Variants in PCNX4 observed in about 807,000 individuals in gnomAD.
The protein encoded by PCNX4 is pecanex-like protein 4.
In PCNX4, 103 loss-of-function variants were observed where a neutral mutation model predicts 107.2. The observed-to-expected ratio is 0.96, with a 90% CI of 0.82 to 1.13. The LOEUF is 1.13. PCNX4 is among the 50% of genes most tolerant of loss of function. The probability of loss-of-function intolerance (pLI) is 0.00; values close to 1 mark genes in which losing one functional copy is unlikely to be tolerated. For missense variants in PCNX4, 1,528 were observed against 1,379.4 expected (o/e 1.11, Z -1.71); for synonymous variants, 541 against 481.7 (o/e 1.12, Z -1.61).
Position 60,115,372 on chromosome 14 carries a change from C to T in PCNX4, c.1268C>T (p.Pro423Leu), listed in dbSNP as rs1287210895. 14 of 1,600,124 alleles carry T rather than the reference C, an allele frequency of 8.7e-6. No individual in the cohort carries two copies. Among genetic ancestry groups the T allele is most frequent in the Middle Eastern group, 1.7e-4 (1 of 6,002 alleles). ...GGAATTTTCCGAAATCCCTTTTATCCGAAGGATGTGCAAACTGTGACTGTA... is the reference window on the plus strand; with the variant it reads ...GGAATTTTCCGAAATCCCTTTTATCTGAAGGATGTGCAAACTGTGACTGTA... ...IIGIFRNPFY[P>L]KDVQTVTVFF... The change falls in exon 4 of 11, where the codon CCG becomes CTG. Residue 423 changes from proline (P) to leucine (L), a missense_variant. Transcript: ENST00000406854.
chr14:60,102,032 A>G (rs1203408468), intron 1 of PCNX4, among the ~76,000 whole-genome samples: 1 of 152,238 alleles, frequency 6.6e-6, no homozygotes, highest in East Asian at 1.9e-4. Context: ...GACTAACTCT[A>G]AATCAGTGAG....
At chr14:60,105,345 T>C (rs886545226) in intron 1 of PCNX4, among the ~76,000 whole-genome samples, 4 of 152,208 alleles carry the variant, frequency 2.6e-5, no homozygotes, top group African/African-American at 9.7e-5. Flanking sequence ...ATGAGCTCAG[T>C]GGTACCCAGC....
chr14:60,111,439 A>G (rs1895739210), intron 2 of PCNX4, among the ~76,000 whole-genome samples: 1 of 152,222 alleles, frequency 6.6e-6, no homozygotes, highest in Non-Finnish European at 1.5e-5. Context: ...ACTATAAAAT[A>G]TATTCCAGTT....
chr14:60,096,092 G>C (rs1309346804), intron 1 of PCNX4, among the ~76,000 whole-genome samples: 1 of 152,122 alleles, frequency 6.6e-6, no homozygotes, highest in Non-Finnish European at 1.5e-5. Flanking sequence ...AGTTTCCCAG[G>C]ATCCAAACCC....
At chr14:60,094,818 C>T (rs1046334594) in intron 1 of PCNX4, among the ~76,000 whole-genome samples, 3 of 138,148 alleles carry the variant, frequency 2.2e-5, no homozygotes, top group Admixed American at 8.3e-5. Flanking sequence ...AAAAACCTAA[C>T]AGCAATAGCA....
chr14:60,108,136 G>C lies in PCNX4; in HGVS notation c.498G>C (p.Leu166=). The C allele has an allele frequency of 6.2e-7, 1 of 1,612,858 alleles. No individual in the cohort carries two copies. Among genetic ancestry groups the C allele is most frequent in the Non-Finnish European group, 8.5e-7 (1 of 1,179,892 alleles). ...WYLLPNRITL[L]YGSTGGTALL... ...TGCTCCCAAATAGAATAACCTTGCT[G>C]TATGGCAGTACAGGAGGCACTGCTC... The change falls in exon 2 of 11, where the codon CTG becomes CTC. Residue 166 remains leucine (L), a synonymous_variant. Transcript: ENST00000406854.
intron 6 of PCNX4, 142 bp from the exon 7 acceptor site, chr14:60,118,187 C>CA: frequency 8.2e-7 from 1 of 1,221,642 alleles, no homozygotes; most frequent in South Asian, 2.4e-5. Context: ...AGAAAATTAA[C>CA]AAAAAAATCA....
Position 60,101,019 on chromosome 14 carries a change from G to C in PCNX4, c.-53-6567G>C, listed in dbSNP as rs987732673. Among the ~76,000 whole-genome samples the C allele has an allele frequency of 2.0e-5, 3 of 152,156 alleles. No homozygotes were observed. The East Asian group carries it at 5.8e-4, about 29-fold the overall frequency. ...ACCTGCTCTCTGAAGTCTGCTCTCT[G>C]AGAGCTTCCTCTGCACAGTGAAACT... On this transcript the variant is annotated intron_variant, in intron 1 of 10. Coordinates refer to ENST00000406854, the MANE Select transcript of PCNX4 (RefSeq NM_001330177.2).
At chr14:60,103,558 C>A (rs527244891) in intron 1 of PCNX4, among the ~76,000 whole-genome samples, 1 of 152,150 alleles carries the variant, frequency 6.6e-6, no homozygotes, top group South Asian at 2.1e-4. Context: ...GTGTTCTCTC[C>A]CATGCTTCTT....
intron 1 of PCNX4, among the ~76,000 whole-genome samples, chr14:60,098,077 G>T (rs1327062917): frequency 2.0e-5 from 3 of 152,088 alleles, no homozygotes; most frequent in Admixed American, 2.0e-4. Flanking sequence ...CAGCCTTATG[G>T]TTAAGGTCAG....
chr14:60,092,703 A>AC (rs1461021939), intron 1 of PCNX4, among the ~76,000 whole-genome samples: 1 of 152,124 alleles, frequency 6.6e-6, no homozygotes, highest in Non-Finnish European at 1.5e-5. Context: ...TGGCACACCC[A>AC]CCCGGAGCTG....
At chr14:60,116,916 CA>C (rs1163462757) in intron 6 of PCNX4, among the ~76,000 whole-genome samples, 1 of 151,142 alleles carries the variant, frequency 6.6e-6, no homozygotes, top group Non-Finnish European at 1.5e-5. Flanking sequence ...TCATTTTTGA[CA>C]AAAAAGTTTT....
chr14:60,119,643 T>C (rs1201938878), intron 7 of PCNX4, among the ~76,000 whole-genome samples: 1 of 152,212 alleles, frequency 6.6e-6, no homozygotes, highest in African/African-American at 2.4e-5. Flanking sequence ...TGTTAATTAA[T>C]TTTCATTATG....
Position 60,137,671 on chromosome 14 carries a change from T to C in PCNX4, c.*3450T>C, listed in dbSNP as rs1595183679. 6.6e-6 allele frequency: 1 copy of C among 152,318 alleles called. No individual in the cohort carries two copies. The highest frequency in any genetic ancestry group is 2.4e-5 in the African/African-American group (1 of 41,568). 9.4% of individuals were successfully genotyped at this position (152,318 alleles called of 1,614,324 possible). A position where few individuals can be genotyped will look rare whatever the true frequency, so the allele number is the denominator to read the frequency against. ...AGCTATACAACACAGGGTCTAAAAT[T>C]ACTATGTTTAGTGTGTTTAAAGATC... On this transcript the variant is annotated 3_prime_UTR_variant, in exon 11 of 11. Coordinates refer to ENST00000406854, the MANE Select transcript of PCNX4 (RefSeq NM_001330177.2).
chr14:60,105,056 C>T (rs1895604786), intron 1 of PCNX4, among the ~76,000 whole-genome samples: 1 of 152,118 alleles, frequency 6.6e-6, no homozygotes, highest in Non-Finnish European at 1.5e-5. Flanking sequence ...ACCAATTATG[C>T]ATTCGAAATC....
intron 8 of PCNX4, among the ~76,000 whole-genome samples, chr14:60,122,312 C>G (rs1432493165): frequency 1.3e-5 from 2 of 152,158 alleles, no homozygotes; most frequent in East Asian, 3.8e-4. Flanking sequence ...CAAAACCCTG[C>G]AGTGGATCTC....
rs1038801189 is a variant in PCNX4, at chr14:60,135,141, A to G, written c.*920A>G. ...GGGGGATTAATAATGAATCCACATCAGTTGAGAGATCAGTTTCCTCTAATT... is the reference window on the plus strand; with the variant it reads ...GGGGGATTAATAATGAATCCACATCGGTTGAGAGATCAGTTTCCTCTAATT... On this transcript the variant is annotated 3_prime_UTR_variant, in exon 11 of 11. Transcript: ENST00000406854. The G allele has an allele frequency of 2.0e-5, 3 of 152,226 alleles. No homozygotes were observed. The highest frequency in any genetic ancestry group is 7.2e-5 in the African/African-American group (3 of 41,468). The allele number at this position is 152,226 out of a possible 1,614,324, so 9.4% of individuals were successfully genotyped here.
At chr14:60,101,906 A>C (rs1303328543) in intron 1 of PCNX4, among the ~76,000 whole-genome samples, 2 of 152,234 alleles carry the variant, frequency 1.3e-5, no homozygotes, top group African/African-American at 4.8e-5. Context: ...CCTTAAAAAA[A>C]GGAAACCATG....
intron 8 of PCNX4, among the ~76,000 whole-genome samples, chr14:60,121,893 C>G (rs558250363): frequency 7.9e-5 from 12 of 152,146 alleles, no homozygotes; most frequent in South Asian, 2.1e-4. Flanking sequence ...GCATTTTACA[C>G]AGCTATTCTC....
Sources: allele counts gnomAD v4.1 joint callset (sites outside exome capture counted in the v4.1 genomes callset), GRCh38; gene constraint gnomAD v4.1.1; transcripts MANE v1.5; gene names NCBI Gene and HGNC (gene_info 2026-07-23, HGNC 2026-07-21).